ZNF536: variants seen among roughly 807,000 people sequenced by gnomAD.
The protein encoded by ZNF536 is zinc finger protein 536.
Under a neutral mutation model 84.5 loss-of-function variants are expected in ZNF536, and 13 were observed. The observed-to-expected ratio is 0.15, with a 90% CI of 0.10 to 0.24. The LOEUF is 0.24. ZNF536 is among the 10% of genes least tolerant of loss of function. The pLI is 1.00. For missense variants in ZNF536, 1,536 were observed against 1,747.5 expected (o/e 0.88, Z 2.16); for synonymous variants, 811 against 742.5 (o/e 1.09, Z -1.50).
At chr19:30,549,656 T>C in intron 4 of ZNF536, 142 bp downstream of exon 4, 1 of 933,364 alleles carries the variant, frequency 1.1e-6, no homozygotes, top group Non-Finnish European at 1.5e-6. Context: ...GTATCTGCAA[T>C]GTAGACAATC....
intron 2 of ZNF536, among the ~76,000 whole-genome samples, chr19:30,522,479 T>A (rs2044401166): frequency 6.6e-6 from 1 of 151,158 alleles, no homozygotes; most frequent in Non-Finnish European, 1.5e-5. Context: ...GAGCTGGCAA[T>A]TGACACTTGT....
chr19:30,582,236 C>T (rs759362873), intron 1 of ZNF536, among the ~76,000 whole-genome samples: 1 of 152,064 alleles, frequency 6.6e-6, no homozygotes. Flanking sequence ...GGGAGGAGGC[C>T]GAAGCTCTAT....
intron 2 of ZNF536, among the ~76,000 whole-genome samples, chr19:30,513,306 C>T (rs538668797): frequency 2.0e-4 from 30 of 152,274 alleles, no homozygotes; most frequent in Admixed American, 1.7e-3. Context: ...ATATAAGAGC[C>T]ATTTGCAAGT....
chr19:30,244,365 AT>A (rs1412332651), intron 1 of ZNF536, among the ~76,000 whole-genome samples: 4 of 152,052 alleles, frequency 2.6e-5, no homozygotes, highest in Non-Finnish European at 5.9e-5. Context: ...TTGTGCAAAA[AT>A]ATATGGGTAT....
chr19:30,564,350 G>A (rs919693640), intron 1 of ZNF536, among the ~76,000 whole-genome samples: 2 of 152,088 alleles, frequency 1.3e-5, no homozygotes, highest in African/African-American at 2.4e-5. Context: ...AGTAAGAAGA[G>A]AGTAGAAGAG....
chr19:30,538,743 C>G (rs1197013565), intron 3 of ZNF536, among the ~76,000 whole-genome samples: 1 of 152,224 alleles, frequency 6.6e-6, no homozygotes, highest in African/African-American at 2.4e-5. Flanking sequence ...GGTGGCTGAA[C>G]TTCTCTCCTC....
At chr19:30,412,415 GATATA>G (rs10606295) in intron 1 of ZNF536, among the ~76,000 whole-genome samples, 65,215 of 151,274 alleles carry the variant, frequency 0.43, 16,507 homozygotes, top group Non-Finnish European at 0.57. Context: ...GGATGTTGTT[GATATA>G]ATATGATTAT....
chr19:30,237,998 G>A (rs967367757), intron 1 of ZNF536, among the ~76,000 whole-genome samples: 15 of 152,248 alleles, frequency 9.9e-5, no homozygotes, highest in Admixed American at 5.2e-4. Flanking sequence ...TGTAAGCAGC[G>A]CATTTTGATC....
At chr19:30,304,865 T>C (rs1470044788) in intron 2 of ZNF536, among the ~76,000 whole-genome samples, 1 of 152,234 alleles carries the variant, frequency 6.6e-6, no homozygotes, top group Non-Finnish European at 1.5e-5. Context: ...GTTCTCATGA[T>C]TGGGCTGGAG....
At chr19:30,491,901 A>G (rs2145119118) in intron 2 of ZNF536, among the ~76,000 whole-genome samples, 1 of 152,092 alleles carries the variant, frequency 6.6e-6, no homozygotes. Flanking sequence ...CCCGTTAGCC[A>G]TAGTTCAACT....
chr19:30,567,484 G>T (rs531828634), intron 1 of ZNF536, among the ~76,000 whole-genome samples: 28 of 152,234 alleles, frequency 1.8e-4, no homozygotes, highest in African/African-American at 6.7e-4. Context: ...GTTCTTTTTA[G>T]GGCTATATTT....
intron 2 of ZNF536, among the ~76,000 whole-genome samples, chr19:30,521,749 T>C (rs2145718206): frequency 6.6e-6 from 1 of 152,072 alleles, no homozygotes; most frequent in East Asian, 1.9e-4. Flanking sequence ...AAGCCCTGTA[T>C]CTAGCCAGAG....
chr19:30,238,312 A>G (rs564349078), intron 1 of ZNF536, among the ~76,000 whole-genome samples: 4 of 152,076 alleles, frequency 2.6e-5, no homozygotes, highest in Admixed American at 2.6e-4. Context: ...TTGATTTCCT[A>G]TGTATCTGAA....
At chr19:30,472,421 G>T (rs1478905151) in intron 2 of ZNF536, among the ~76,000 whole-genome samples, 2 of 152,170 alleles carry the variant, frequency 1.3e-5, no homozygotes, top group African/African-American at 4.8e-5. Context: ...GCTGCCTGGG[G>T]ATATTGCCGT....
chr19:30,414,901 C>T lies in ZNF536; in HGVS notation c.-2-28660C>T, dbSNP rs144662336. ...AATTCTAGGTTTAAAATAACTTCCCCCAGCCCTTTGAAAATATTACCTGAC... is the reference window on the plus strand; with the variant it reads ...AATTCTAGGTTTAAAATAACTTCCCTCAGCCCTTTGAAAATATTACCTGAC... On this transcript the variant is annotated intron_variant, in intron 1 of 4. Transcript: ENST00000355537. 1.9e-3 allele frequency among the ~76,000 whole-genome samples: 288 copies of T among 152,254 alleles called. 2 individuals are homozygous for T. The highest frequency in any genetic ancestry group is 6.6e-3 in the African/African-American group (274 of 41,560).
chr19:30,459,570 C>T (rs560442827), intron 2 of ZNF536, among the ~76,000 whole-genome samples: 3 of 152,178 alleles, frequency 2.0e-5, no homozygotes, highest in East Asian at 1.9e-4. Context: ...AGGCTGGTCT[C>T]GAACTCCTGA....
chr19:30,618,959 C>CT (rs2048391476), intron 1 of ZNF536, among the ~76,000 whole-genome samples: 1 of 151,836 alleles, frequency 6.6e-6, no homozygotes, highest in Admixed American at 6.6e-5. Context: ...TGTATAAATT[C>CT]TTTTTGTATT....
At chr19:30,623,919 C>A (rs867054991) in intron 1 of ZNF536, among the ~76,000 whole-genome samples, 1 of 152,202 alleles carries the variant, frequency 6.6e-6, no homozygotes, top group Admixed American at 6.5e-5. Flanking sequence ...AATGAATGAA[C>A]AGACTGACTC....
intron 1 of ZNF536, among the ~76,000 whole-genome samples, chr19:30,385,490 T>A (rs1374505619): frequency 6.6e-6 from 1 of 151,684 alleles, no homozygotes; most frequent in Non-Finnish European, 1.5e-5. Context: ...CTGACTGTCC[T>A]CTGTGGCCTT....
Sources: allele counts gnomAD v4.1 joint callset (sites outside exome capture counted in the v4.1 genomes callset), GRCh38; gene constraint gnomAD v4.1.1; transcripts MANE v1.5; gene names NCBI Gene and HGNC (gene_info 2026-07-23, HGNC 2026-07-21).